ERI3: variants seen among roughly 807,000 people sequenced by gnomAD.
The protein encoded by ERI3 is ERI1 exoribonuclease 3.
In ERI3, 18 loss-of-function variants were observed where a neutral mutation model predicts 44.4. The observed-to-expected ratio is 0.41, with a 90% CI of 0.28 to 0.60. ERI3 has a LOEUF of 0.60. Among genes scored for constraint, ERI3 ranks in the 20% least tolerant of loss-of-function variants. ERI3 has a pLI of 0.36. For synonymous variants in ERI3, 183 were observed against 164.8 expected (o/e 1.11, Z -0.84); for missense variants, 294 against 435.5 (o/e 0.68, Z 2.89).
In ERI3 at chr1:44,221,491, A is replaced by T; in HGVS notation, c.*67T>A. On this transcript the variant is annotated 3_prime_UTR_variant, in exon 9 of 9. Coordinates refer to ENST00000372257, the MANE Select transcript of ERI3 (RefSeq NM_024066.3). This position sits in a 1 kb window ranked among gnomAD's most constrained non-coding sequence, Gnocchi z 5.9. ...CCACTCTCCCTCTTCCCCTCTGGTG[A>T]GGGAGAGGAGGATTCTGGGCTGGGC... The T allele has an allele frequency of 7.8e-7, 1 of 1,276,390 alleles. No homozygotes were observed. Among genetic ancestry groups the T allele is most frequent in the East Asian group, 2.3e-5 (1 of 43,242 alleles). The allele number at this position is 1,276,390 out of a possible 1,614,324, so 79.1% of individuals were successfully genotyped here.
At chr1:44,296,694 T>C (rs1173507406) in intron 6 of ERI3, among the ~76,000 whole-genome samples, 1 of 152,068 alleles carries the variant, frequency 6.6e-6, no homozygotes, top group Non-Finnish European at 1.5e-5. Context: ...AGGGGCCCCA[T>C]AATGGAAAAC....
intron 8 of ERI3, among the ~76,000 whole-genome samples, chr1:44,247,464 G>T (rs983858608): frequency 6.6e-6 from 1 of 152,200 alleles, no homozygotes. Context: ...CCTGTGGACG[G>T]AGTCATCGGT....
rs112050066 is a variant in ERI3 at position 44,258,530 on chromosome 1, C to T, written c.832-10492G>A. Reference sequence around the variant, plus strand: ...CCATTTATTGAGGAACTACCATGTGCCAAGCCCTGTGCTGGGTGCTAGAGA... The same window carrying T: ...CCATTTATTGAGGAACTACCATGTGTCAAGCCCTGTGCTGGGTGCTAGAGA... On this transcript the variant is annotated intron_variant, in intron 7 of 8. Coordinates refer to ENST00000372257, the MANE Select transcript of ERI3 (RefSeq NM_024066.3). 2.2e-3 allele frequency among the ~76,000 whole-genome samples: 342 copies of T among 152,292 alleles called. 3 individuals carry two copies. Among genetic ancestry groups the T allele is most frequent in the African/African-American group, 7.6e-3 (315 of 41,560 alleles).
At chr1:44,272,248 A>G (rs1030225893) in intron 7 of ERI3, among the ~76,000 whole-genome samples, 3 of 152,130 alleles carry the variant, frequency 2.0e-5, no homozygotes, top group African/African-American at 4.8e-5. Flanking sequence ...CCAAGATTCC[A>G]TATCAGGTCT....
At chr1:44,327,892 G>A (rs1646347129) in intron 3 of ERI3, among the ~76,000 whole-genome samples, 1 of 152,206 alleles carries the variant, frequency 6.6e-6, no homozygotes, top group South Asian at 2.1e-4. Context: ...TACACTAGCT[G>A]GGGGTGAAGA....
chr1:44,350,952 T>C (rs779234875), intron 2 of ERI3, among the ~76,000 whole-genome samples: 44 of 152,144 alleles, frequency 2.9e-4, no homozygotes, highest in Non-Finnish European at 5.6e-4. Flanking sequence ...ATCCACGTAA[T>C]TGCCACAGCC....
chr1:44,352,405 C>CATAGATAGATAG (rs71742610), intron 2 of ERI3, among the ~76,000 whole-genome samples: 2 of 147,450 alleles, frequency 1.4e-5, no homozygotes, highest in East Asian at 2.0e-4. Context: ...AGCAAGGTCT[C>CATAGATAGATAG]ATAGATAGAT....
At chr1:44,314,277 T>G (rs935328708) in intron 4 of ERI3, among the ~76,000 whole-genome samples, 1 of 152,184 alleles carries the variant, frequency 6.6e-6, no homozygotes. Context: ...TTACATGGAA[T>G]GGTAATATAC....
intron 7 of ERI3, among the ~76,000 whole-genome samples, chr1:44,282,575 G>A (rs1031844978): frequency 6.6e-6 from 1 of 152,166 alleles, no homozygotes; most frequent in Non-Finnish European, 1.5e-5. Context: ...ATAAAGGTCA[G>A]AAAGAGTACC....
chr1:44,239,713 C>T (rs1644391458), intron 8 of ERI3, among the ~76,000 whole-genome samples: 1 of 152,216 alleles, frequency 6.6e-6, no homozygotes, highest in Non-Finnish European at 1.5e-5. Flanking sequence ...TGGCCTGCCA[C>T]AGCGTTTAAT....
At chr1:44,244,073 C>A (rs1398856683) in intron 8 of ERI3, 1 of 152,262 alleles carries the variant, frequency 6.6e-6, no homozygotes, top group Non-Finnish European at 1.5e-5. Flanking sequence ...TAAAGTGCTT[C>A]CAAATAATAT....
rs111786938 is a variant in ERI3, at chr1:44,347,575, C to A, written c.211+5275G>T. Among the ~76,000 whole-genome samples, 836 of 152,262 alleles carry A rather than the reference C, an allele frequency of 5.5e-3. 7 individuals are homozygous for A. The highest frequency in any genetic ancestry group is 0.019 in the African/African-American group (787 of 41,540). The stretch of plus-strand genomic sequence containing the variant: ...CTTAAAATCCAGCTCAAATCTCCCC[C>A]CTTTTGGTGGCTTTCTCTGACACTC... On this transcript the variant is annotated intron_variant, in intron 2 of 8. Transcript: ENST00000372257.
At chr1:44,333,641 C>T (rs1455697756) in intron 3 of ERI3, among the ~76,000 whole-genome samples, 2 of 152,180 alleles carry the variant, frequency 1.3e-5, no homozygotes, top group Admixed American at 6.5e-5. Context: ...CTTTCAGCCT[C>T]GAACGAAGGA....
intron 8 of ERI3, among the ~76,000 whole-genome samples, chr1:44,225,503 C>T (rs1644016208): frequency 6.6e-6 from 1 of 152,104 alleles, no homozygotes; most frequent in African/African-American, 2.4e-5. Context: ...TTTTTTGGGG[C>T]ATTAATATTC....
chr1:44,272,662 C>A (rs1263980788), intron 7 of ERI3, among the ~76,000 whole-genome samples: 1 of 151,746 alleles, frequency 6.6e-6, no homozygotes, highest in East Asian at 1.9e-4. Flanking sequence ...GCCAACATGA[C>A]GAGACCCCAT....
chr1:44,343,406 C>T (rs531744115), intron 2 of ERI3, among the ~76,000 whole-genome samples: 2 of 152,046 alleles, frequency 1.3e-5, no homozygotes, highest in African/African-American at 4.8e-5. Flanking sequence ...TGAACATTAT[C>T]AATAATGGGA....
chr1:44,262,005 G>A (rs981159121), intron 7 of ERI3, among the ~76,000 whole-genome samples: 1 of 152,146 alleles, frequency 6.6e-6, no homozygotes, highest in East Asian at 1.9e-4. Flanking sequence ...GGTCGTTCCC[G>A]AAGGCTCTGT....
intron 7 of ERI3, among the ~76,000 whole-genome samples, chr1:44,277,171 C>T (rs1234518320): frequency 6.6e-6 from 1 of 152,196 alleles, no homozygotes; most frequent in Non-Finnish European, 1.5e-5. Context: ...ATCTACAAGC[C>T]TACCTACCTC....
At chr1:44,238,080 G>C (rs1644346439) in intron 8 of ERI3, among the ~76,000 whole-genome samples, 1 of 152,140 alleles carries the variant, frequency 6.6e-6, no homozygotes, top group Non-Finnish European at 1.5e-5. Flanking sequence ...AGCCAGCACG[G>C]AGGCAGCCTC....
Sources: allele counts gnomAD v4.1 joint callset (sites outside exome capture counted in the v4.1 genomes callset), GRCh38; gene constraint gnomAD v4.1.1; non-coding constraint Gnocchi (gnomAD v3.1); transcripts MANE v1.5; gene names NCBI Gene and HGNC (gene_info 2026-07-23, HGNC 2026-07-21).